Variants in TMOD2 observed in about 807,000 individuals in gnomAD.
The protein encoded by TMOD2 is tropomodulin-2.
TMOD2 carries 22 observed loss-of-function variants against 39.9 expected under a neutral mutation model. The observed-to-expected ratio is 0.55, with a 90% CI of 0.39 to 0.79. The LOEUF (loss-of-function observed/expected upper bound fraction) is 0.79. Among genes scored for constraint, TMOD2 ranks in the 30% least tolerant of loss-of-function variants. The pLI is 0.00. For missense variants in TMOD2, 386 were observed against 413.3 expected, an observed-to-expected ratio of 0.93 and a Z score of 0.57; for synonymous variants, 123 against 146.1, an observed-to-expected ratio of 0.84 and a Z score of 1.14.
intron 3 of TMOD2, 126 bp downstream of exon 3, chr15:51,768,544 G>C: frequency 1.0e-6 from 1 of 991,206 alleles, no homozygotes; most frequent in Non-Finnish European, 1.5e-6. Flanking sequence ...CAAGGGAACT[G>C]TCCCAGACAT....
intron 5 of TMOD2, among the ~76,000 whole-genome samples, chr15:51,777,396 T>C (rs1259450071): frequency 6.6e-6 from 1 of 152,172 alleles, no homozygotes; most frequent in African/African-American, 2.4e-5. Context: ...TCAACTATAG[T>C]AGCTTAAATA....
intron 7 of TMOD2, 52 bp from the exon 8 acceptor site, chr15:51,798,145 T>A: frequency 2.0e-6 from 3 of 1,510,438 alleles, no homozygotes; most frequent in Non-Finnish European, 2.7e-6. Context: ...AGTAAATTAA[T>A]CTTTAGAAAT....
chr15:51,779,538 G>A (rs530259171), intron 5 of TMOD2, among the ~76,000 whole-genome samples: 8 of 151,822 alleles, frequency 5.3e-5, no homozygotes, highest in South Asian at 4.2e-4. Context: ...CCACCACCAC[G>A]CCCGGCTAAT....
At chr15:51,791,492 T>C (rs1224330614) in intron 7 of TMOD2, among the ~76,000 whole-genome samples, 2 of 152,140 alleles carry the variant, frequency 1.3e-5, no homozygotes, top group Non-Finnish European at 2.9e-5. Context: ...CTTCACAGAA[T>C]TGGAAAAAAC....
intron 3 of TMOD2, among the ~76,000 whole-genome samples, chr15:51,769,125 G>A (rs1050224606): frequency 9.2e-5 from 14 of 152,186 alleles, no homozygotes; most frequent in African/African-American, 2.9e-4. Context: ...AAAGAAACAC[G>A]ATCAAATATG....
rs542312440 is a variant in TMOD2 at position 51,758,364 on chromosome 15, A to G, written c.-70+6652A>G. 3.3e-5 allele frequency among the ~76,000 whole-genome samples: 5 copies of G among 152,340 alleles called. No individual in the cohort carries two copies. The East Asian group carries it at 9.6e-4, about 29-fold the overall frequency. ...CCATACATGCAACATACATGAAAAG[A>G]TAGCAAGATATGTCAAATTGGTGAT... On this transcript the variant is annotated intron_variant, in intron 1 of 9. Transcript: ENST00000249700.
intron 8 of TMOD2, 75 bp from the exon 9 acceptor site, chr15:51,806,302 G>A: frequency 1.3e-6 from 2 of 1,560,328 alleles, no homozygotes; most frequent in African/African-American, 1.4e-5. Context: ...AAGTAGCCTT[G>A]TCTTTTTCCT....
In TMOD2 at chr15:51,779,385, CT is replaced by C. The variant is rs138219802; in HGVS notation, c.494-1646del. Reference sequence around the variant, plus strand: ...CTTCATTCTTTTAATGAGTAGATAACTTTTTTTTTTTTTGAGACAGAGTCTC... The same window carrying C: ...CTTCATTCTTTTAATGAGTAGATAACTTTTTTTTTTTTGAGACAGAGTCTC... On this transcript the variant is annotated intron_variant, in intron 5 of 9. Coordinates refer to ENST00000249700, the MANE Select transcript of TMOD2 (RefSeq NM_014548.4). Among the ~76,000 whole-genome samples, 723 of 145,478 alleles carry C rather than the reference CT, an allele frequency of 5.0e-3. 2 individuals are homozygous for C. Among genetic ancestry groups the C allele is most frequent in the African/African-American group, 0.014 (544 of 39,954 alleles).
At chr15:51,772,996 G>A (rs142230145) in intron 3 of TMOD2, among the ~76,000 whole-genome samples, 2 of 152,238 alleles carry the variant, frequency 1.3e-5, no homozygotes, top group African/African-American at 4.8e-5. Flanking sequence ...TACCTAGGAG[G>A]CCAGTATTCT....
At chr15:51,775,432 T>C (rs1284114664) in intron 4 of TMOD2, among the ~76,000 whole-genome samples, 2 of 152,126 alleles carry the variant, frequency 1.3e-5, no homozygotes, top group African/African-American at 2.4e-5. Context: ...GGGAGCCAAA[T>C]TATAATTAGA....
intron 4 of TMOD2, among the ~76,000 whole-genome samples, chr15:51,775,206 G>A (rs1308647328): frequency 1.3e-5 from 2 of 152,226 alleles, no homozygotes; most frequent in African/African-American, 4.8e-5. Flanking sequence ...CTTCAAGGGA[G>A]TGGTAGTTGA....
At chr15:51,756,983 GT>G (rs1272161516) in intron 1 of TMOD2, among the ~76,000 whole-genome samples, 8 of 152,232 alleles carry the variant, frequency 5.3e-5, no homozygotes, top group African/African-American at 1.7e-4. Context: ...TTCATGTTTT[GT>G]TGGAGGATAC....
intron 1 of TMOD2, 46 bp downstream of exon 1, chr15:51,751,758 G>A (rs1459751212): frequency 6.6e-6 from 1 of 150,920 alleles, no homozygotes; most frequent in Non-Finnish European, 1.5e-5. Context: ...GACAGCCGGT[G>A]TCTGCAGCCC....
chr15:51,752,360 T>A (rs2055711492), intron 1 of TMOD2: 1 of 152,224 alleles, frequency 6.6e-6, no homozygotes, highest in Non-Finnish European at 1.5e-5. Context: ...AAGGTGGATT[T>A]TTAAAACAGT....
At position 51,797,629 on chromosome 15, in the gene TMOD2, C is replaced by T. The variant is rs574883766; in HGVS notation, c.733-568C>T. Among the ~76,000 whole-genome samples, 10 of 152,172 alleles carry T rather than the reference C, an allele frequency of 6.6e-5. No individual in the cohort carries two copies. The East Asian group carries it at 1.5e-3, about 24-fold the overall frequency. On this transcript the variant is annotated intron_variant, in intron 7 of 9. Coordinates refer to ENST00000249700, the MANE Select transcript of TMOD2 (RefSeq NM_014548.4). The stretch of plus-strand genomic sequence containing the variant: ...GGAGTAAAGAGAGCCGGCAGGTGCC[C>T]GTGTGCAGTCCGCTGTCTCAAACTG...
intron 7 of TMOD2, chr15:51,785,034 T>C (rs2055958341): frequency 6.6e-6 from 1 of 152,234 alleles, no homozygotes; most frequent in African/African-American, 2.4e-5. Context: ...ATGCTTGTCA[T>C]GTGAAAAGCA....
intron 1 of TMOD2, among the ~76,000 whole-genome samples, chr15:51,762,148 CA>C (rs567619134): frequency 4.1e-3 from 511 of 124,046 alleles, no homozygotes; most frequent in Middle Eastern, 7.9e-3. Flanking sequence ...GACTCTGCCT[CA>C]AAAAAAAAAA....
At chr15:51,764,272 G>A (rs1209231596) in intron 1 of TMOD2, among the ~76,000 whole-genome samples, 3 of 152,156 alleles carry the variant, frequency 2.0e-5, no homozygotes, top group African/African-American at 7.2e-5. Context: ...AGCCGAGATG[G>A]TACCACTGCA....
Position 51,813,713 on chromosome 15 carries a change from C to T in TMOD2, c.*5259C>T, listed in dbSNP as rs1363913818. On this transcript the variant is annotated 3_prime_UTR_variant, in exon 10 of 10. Transcript: ENST00000249700. ...GGTAACTTTGGGCAAACCGCTTGGT[C>T]TCTCAAGCCTAAGGTTCTTCAGCTA... 1.3e-5 allele frequency: 2 copies of T among 152,204 alleles called. No homozygotes were observed. Among genetic ancestry groups the T allele is most frequent in the Non-Finnish European group, 2.9e-5 (2 of 68,036 alleles). The allele number at this position is 152,204 out of a possible 1,614,324, so 9.4% of individuals were successfully genotyped here. A position where few individuals can be genotyped will look rare whatever the true frequency, so the allele number is the denominator to read the frequency against.
Sources: gnomAD v4.1 joint callset for allele counts (sites outside exome capture counted in the v4.1 genomes callset) on GRCh38, gnomAD v4.1.1 for gene constraint, MANE v1.5 for transcripts, NCBI Gene and HGNC (gene_info 2026-07-23, HGNC 2026-07-21) for gene names.